NRXN3: variants seen among roughly 807,000 people sequenced by gnomAD.
NRXN3 encodes neurexin III.
In NRXN3, 32 loss-of-function variants were observed where a neutral mutation model predicts 137.6. The observed-to-expected ratio is 0.23, with a 90% CI of 0.18 to 0.31. The LOEUF (loss-of-function observed/expected upper bound fraction) is 0.31. Among genes scored for constraint, NRXN3 ranks in the 10% least tolerant of loss-of-function variants. The pLI, the probability that NRXN3 is intolerant of heterozygous loss-of-function variation, is 1.00. For missense variants in NRXN3, 1,574 were observed against 2,062.5 expected (o/e 0.76, Z 4.59); for synonymous variants, 798 against 784.5 (o/e 1.02, Z -0.29).
At chr14:79,855,739 AAT>A (rs1401530023) in intron 20 of NRXN3, among the ~76,000 whole-genome samples, 2 of 152,204 alleles carry the variant, frequency 1.3e-5, no homozygotes, top group African/African-American at 2.4e-5. Context: ...TAGTAGAAAT[AAT>A]AACATTAGTA....
At chr14:79,175,651 A>G (rs757778562) in intron 15 of NRXN3, among the ~76,000 whole-genome samples, 10 of 152,216 alleles carry the variant, frequency 6.6e-5, no homozygotes, top group Non-Finnish European at 1.5e-5. Context: ...CACACTGCCG[A>G]ATTACACGTT....
At chr14:78,193,170 G>T (rs2153379400) in intron 1 of NRXN3, among the ~76,000 whole-genome samples, 1 of 152,292 alleles carries the variant, frequency 6.6e-6, no homozygotes, top group East Asian at 1.9e-4. Flanking sequence ...TTGGGGCTGG[G>T]CCAGTGGATA....
At chr14:78,909,601 C>T (rs1038073619) in intron 10 of NRXN3, among the ~76,000 whole-genome samples, 2 of 152,028 alleles carry the variant, frequency 1.3e-5, no homozygotes, top group African/African-American at 4.8e-5. Context: ...CTTCTTCTGA[C>T]TTCTTATTGT....
intron 19 of NRXN3, among the ~76,000 whole-genome samples, chr14:79,785,324 G>A (rs539686943): frequency 5.7e-4 from 86 of 152,158 alleles, no homozygotes; most frequent in Non-Finnish European, 1.1e-3. Flanking sequence ...CCTCCTCTCG[G>A]TCCTCTTTGC....
chr14:79,599,102 G>A (rs2097894693), intron 16 of NRXN3, among the ~76,000 whole-genome samples: 1 of 152,100 alleles, frequency 6.6e-6, no homozygotes, highest in Non-Finnish European at 1.5e-5. Context: ...TCAGTACCGA[G>A]CTCCCTTTTG....
At chr14:79,656,605 T>C (rs1387308143) in intron 16 of NRXN3, among the ~76,000 whole-genome samples, 1 of 148,082 alleles carries the variant, frequency 6.8e-6, no homozygotes, top group African/African-American at 2.5e-5. Flanking sequence ...TCATCCCTAC[T>C]CTCTCTCTCT....
chr14:78,438,624 C>T (rs988281969), intron 4 of NRXN3, among the ~76,000 whole-genome samples: 1 of 152,116 alleles, frequency 6.6e-6, no homozygotes, highest in Non-Finnish European at 1.5e-5. Context: ...CCTGGCACCT[C>T]GGGGTCTAAG....
chr14:78,236,309 T>A (rs1221995811), intron 1 of NRXN3, among the ~76,000 whole-genome samples: 1 of 152,236 alleles, frequency 6.6e-6, no homozygotes, highest in Non-Finnish European at 1.5e-5. Flanking sequence ...TAAATAATTT[T>A]GCCTCTTTTC....
chr14:79,175,861 A>G (rs928485796), intron 15 of NRXN3, among the ~76,000 whole-genome samples: 16 of 152,232 alleles, frequency 1.1e-4, no homozygotes, highest in African/African-American at 3.6e-4. Flanking sequence ...TGGCTAAGTT[A>G]CAAAACAGTG....
At chr14:78,979,252 A>AT in intron 14 of NRXN3, among the ~76,000 whole-genome samples, 1 of 152,222 alleles carries the variant, frequency 6.6e-6, no homozygotes, top group South Asian at 2.1e-4. Context: ...TACCTCAGTC[A>AT]TTTTGACACA....
At chr14:78,411,040 G>A (rs563988273) in intron 4 of NRXN3, among the ~76,000 whole-genome samples, 32 of 152,274 alleles carry the variant, frequency 2.1e-4, no homozygotes, top group African/African-American at 6.3e-4. Flanking sequence ...ATAATAGGAA[G>A]ACCAAGTTCA....
At chr14:79,575,470 C>T (rs1030147397) in intron 16 of NRXN3, among the ~76,000 whole-genome samples, 7 of 152,016 alleles carry the variant, frequency 4.6e-5, no homozygotes, top group African/African-American at 1.5e-4. Context: ...GGTAAAGTGG[C>T]TGAATTTAAA....
intron 17 of NRXN3, among the ~76,000 whole-genome samples, chr14:79,666,816 C>A (rs2098559367): frequency 6.6e-6 from 1 of 152,036 alleles, no homozygotes. Context: ...TTATTGGCAC[C>A]AGTGACCCCA....
intron 4 of NRXN3, among the ~76,000 whole-genome samples, chr14:78,592,732 CTACTT>C (rs1334434454): frequency 5.3e-5 from 8 of 152,190 alleles, no homozygotes; most frequent in Non-Finnish European, 8.8e-5. Context: ...TTGTTCTACT[CTACTT>C]TAACTGGTTT....
intron 10 of NRXN3, among the ~76,000 whole-genome samples, chr14:78,850,300 G>T (rs2099039139): frequency 6.6e-6 from 1 of 152,056 alleles, no homozygotes; most frequent in Non-Finnish European, 1.5e-5. Flanking sequence ...AGGTTATATG[G>T]TCTCTCAGTG....
intron 19 of NRXN3, 45 bp from the exon 20 acceptor site, chr14:79,805,067 T>C (rs1457281901): frequency 7.4e-7 from 1 of 1,357,472 alleles, no homozygotes; most frequent in Non-Finnish European, 1.1e-6. Context: ...CTCTCTCTCT[T>C]CTCTCTCTTC....
At chr14:79,180,750 A>C (rs2062834750) in intron 15 of NRXN3, among the ~76,000 whole-genome samples, 1 of 152,144 alleles carries the variant, frequency 6.6e-6, no homozygotes, top group Non-Finnish European at 1.5e-5. Context: ...AATTGAAAAA[A>C]TTGATAATAA....
intron 15 of NRXN3, among the ~76,000 whole-genome samples, chr14:79,444,641 A>T (rs1023743510): frequency 6.6e-6 from 1 of 152,258 alleles, no homozygotes; most frequent in African/African-American, 2.4e-5. Context: ...CCTCAGCAAT[A>T]TAGTGAGAAC....
At chr14:79,049,214 T>C (rs2099638414) in intron 15 of NRXN3, among the ~76,000 whole-genome samples, 1 of 151,930 alleles carries the variant, frequency 6.6e-6, no homozygotes, top group Non-Finnish European at 1.5e-5. Context: ...TTGGAGCTAA[T>C]CCTGTTAAGC....
Sources: allele counts gnomAD v4.1 joint callset (sites outside exome capture counted in the v4.1 genomes callset), GRCh38; gene constraint gnomAD v4.1.1; transcripts MANE v1.5; gene names NCBI Gene and HGNC (gene_info 2026-07-23, HGNC 2026-07-21).